Variants in NOP58 observed in about 807,000 individuals in gnomAD.
NOP58 encodes the protein NOP58 ribonucleoprotein, also known as nucleolar protein 58.
Under a neutral mutation model 71.2 loss-of-function variants are expected in NOP58, and 44 were observed. The ratio of observed to expected loss-of-function variants is 0.62; its 90% CI spans 0.49 to 0.79. The LOEUF is 0.79. Ranked by LOEUF, NOP58 falls within the 30% of genes least tolerant of loss-of-function variation. NOP58 has a pLI of 0.00. For synonymous variants in NOP58, 228 were observed against 200.3 expected, an observed-to-expected ratio of 1.14 and a Z score of -1.17; for missense variants, 538 against 620.2, an observed-to-expected ratio of 0.87 and a Z score of 1.41.
chr2:202,273,006 C>T (rs972202960), intron 1 of NOP58, among the ~76,000 whole-genome samples: 6 of 152,180 alleles, frequency 3.9e-5, no homozygotes, highest in East Asian at 3.9e-4. Flanking sequence ...TGGTGGCAGG[C>T]GCCTGTAGTC....
chr2:202,272,026 A>G (rs566357001), intron 1 of NOP58, among the ~76,000 whole-genome samples: 5 of 152,192 alleles, frequency 3.3e-5, no homozygotes, highest in Non-Finnish European at 7.3e-5. Flanking sequence ...TAGCACATCT[A>G]CACATTAAGA....
intron 8 of NOP58, among the ~76,000 whole-genome samples, chr2:202,292,498 C>T (rs113607164): frequency 2.8e-4 from 43 of 151,440 alleles, no homozygotes; most frequent in African/African-American, 9.7e-4. Flanking sequence ...ATTAGCTGGG[C>T]GTGGTGGCGG....
At chr2:202,288,503 A>T (rs1688830104) in intron 6 of NOP58, among the ~76,000 whole-genome samples, 1 of 150,292 alleles carries the variant, frequency 6.7e-6, no homozygotes, top group South Asian at 2.1e-4. Flanking sequence ...AAAAAAAAAA[A>T]TCAAAATCTT....
At chr2:202,286,937 C>T (rs1366430026) in intron 5 of NOP58, among the ~76,000 whole-genome samples, 1 of 152,064 alleles carries the variant, frequency 6.6e-6, no homozygotes, top group African/African-American at 2.4e-5. Flanking sequence ...GATGAAAAAA[C>T]ATTTTTATAC....
intron 9 of NOP58, 184 bp downstream of exon 9, chr2:202,293,087 C>T (rs1291580385): frequency 7.7e-6 from 6 of 779,572 alleles, no homozygotes; most frequent in East Asian, 7.5e-5. Context: ...TGCCTGATTT[C>T]CTTTTGGATA....
chr2:202,297,901 C>T lies in NOP58; in HGVS notation c.1263C>T (p.His421=), dbSNP rs781333942. The change falls in exon 12 of 15, where the codon CAC becomes CAT. Residue 421 remains histidine, a synonymous_variant. Transcript: ENST00000264279. The part of the protein sequence containing the change: ...KALAKTEKYE[H]KSEVKTYDPS... ...TAGCAAAAACAGAAAAATATGAACA[C>T]AAAAGGTGAGTACATTTAAGTGAGG... The T allele has an allele frequency of 1.3e-6, 2 of 1,575,596 alleles. No homozygotes were observed. Among genetic ancestry groups the T allele is most frequent in the South Asian group, 1.2e-5 (1 of 85,638 alleles).
intron 5 of NOP58, among the ~76,000 whole-genome samples, chr2:202,286,500 G>T (rs1363335807): frequency 6.6e-6 from 1 of 151,966 alleles, no homozygotes; most frequent in Non-Finnish European, 1.5e-5. Context: ...GTAAGACTCC[G>T]TCTCAAAACA....
At chr2:202,286,654 AAGAG>A (rs1195222864) in intron 5 of NOP58, among the ~76,000 whole-genome samples, 4 of 152,378 alleles carry the variant, frequency 2.6e-5, no homozygotes, top group East Asian at 1.9e-4. Flanking sequence ...AAGCATTTCT[AAGAG>A]AGAACAAATA....
At chr2:202,284,535 CAT>C (rs1559263026) in intron 5 of NOP58, 54 bp downstream of exon 5, 2 of 1,569,310 alleles carry the variant, frequency 1.3e-6, no homozygotes, top group Non-Finnish European at 1.7e-6. Context: ...AAGCGCTTAA[CAT>C]AGATCTGTTC....
chr2:202,287,403 T>A (rs893192781), intron 5 of NOP58, among the ~76,000 whole-genome samples: 2 of 152,024 alleles, frequency 1.3e-5, no homozygotes, highest in African/African-American at 4.8e-5. Context: ...ATCCTATTTG[T>A]CATTCATACA....
At chr2:202,289,660 T>A (rs1688854129) in intron 6 of NOP58, among the ~76,000 whole-genome samples, 1 of 152,162 alleles carries the variant, frequency 6.6e-6, no homozygotes, top group Admixed American at 6.6e-5. Context: ...CTGATACATA[T>A]TTCAACATGA....
Position 202,278,326 on chromosome 2 carries a change from C to G in NOP58, c.175+324C>G, listed in dbSNP as rs1450652548. 6.2e-5 allele frequency: 31 copies of G among 497,042 alleles called. 1 individual carries two copies. In the Admixed American group the frequency reaches 7.2e-4, roughly 11 times the overall value. 30.8% of individuals were successfully genotyped at this position (497,042 alleles called of 1,614,324 possible). A position where few individuals can be genotyped will look rare whatever the true frequency, so the allele number is the denominator to read the frequency against. Reference sequence around the variant, plus strand: ...CAGTAAAAGGTGTTCTACAAGGGACCAAGGTAATGTGGTCAAGTATACAGC... The same window carrying G: ...CAGTAAAAGGTGTTCTACAAGGGACGAAGGTAATGTGGTCAAGTATACAGC... On this transcript the variant is annotated intron_variant, in intron 3 of 14. Coordinates refer to ENST00000264279, the MANE Select transcript of NOP58 (RefSeq NM_015934.5).
In NOP58 at chr2:202,269,926, TTAC is replaced by T. The variant is rs201547384; in HGVS notation, c.45+3942_45+3944del. ...TAGGACTGAGGAAGTGAATTTTAAC[TTAC>T]TTGAATTTTAATGGTTATATTGTAC... On this transcript the variant is annotated intron_variant, in intron 1 of 14. Transcript: ENST00000264279. Among the ~76,000 whole-genome samples the T allele has an allele frequency of 9.5e-3, 1,453 of 152,316 alleles. 11 individuals carry two copies. Among genetic ancestry groups the T allele is most frequent in the Non-Finnish European group, 0.015 (1,011 of 68,030 alleles).
At chr2:202,296,834 C>T (rs1273542548) in intron 10 of NOP58, among the ~76,000 whole-genome samples, 3 of 151,984 alleles carry the variant, frequency 2.0e-5, no homozygotes, top group Non-Finnish European at 4.4e-5. Context: ...CCCAGGTTCA[C>T]GCCATTCTCC....
At position 202,293,740 on chromosome 2, in the gene NOP58, A is replaced by G. The variant is rs553374267; in HGVS notation, c.907+837A>G. Reference sequence around the variant, plus strand: ...CATGTGCTGCCACCATGCCTGGCTAATTTTTATATTTTTAGTTGAGACAGG... The same window carrying G: ...CATGTGCTGCCACCATGCCTGGCTAGTTTTTATATTTTTAGTTGAGACAGG... On this transcript the variant is annotated intron_variant, in intron 9 of 14. Transcript: ENST00000264279. Among the ~76,000 whole-genome samples, 26 of 152,072 alleles carry G rather than the reference A, an allele frequency of 1.7e-4. No homozygotes were observed. In the South Asian group the frequency reaches 5.4e-3, roughly 32 times the overall value.
intron 10 of NOP58, 38 bp downstream of exon 10, chr2:202,295,875 C>CT (rs754578108): frequency 1.6e-5 from 24 of 1,475,698 alleles, no homozygotes; most frequent in African/African-American, 2.8e-5. Context: ...TGAGGTTAGA[C>CT]TTTTTCATTT....
intron 4 of NOP58, 24 bp from the exon 5 acceptor site, chr2:202,284,321 A>G (rs749328019): frequency 9.1e-6 from 14 of 1,541,204 alleles, no homozygotes; most frequent in Admixed American, 2.0e-5. Flanking sequence ...TTTTAATTTA[A>G]TATAGATGTT....
intron 1 of NOP58, among the ~76,000 whole-genome samples, chr2:202,272,339 A>G (rs574091398): frequency 6.6e-6 from 1 of 151,878 alleles, no homozygotes; most frequent in East Asian, 1.9e-4. Context: ...ATTTTTAGTT[A>G]GAGGCGGGGT....
intron 9 of NOP58, 55 bp from the exon 10 acceptor site, chr2:202,295,619 C>T (rs1236542046): frequency 1.2e-5 from 15 of 1,281,938 alleles, no homozygotes; most frequent in African/African-American, 3.0e-5. Flanking sequence ...TGTTTCAGTA[C>T]GTGGAACATT....
Sources: gnomAD v4.1 joint callset for allele counts (sites outside exome capture counted in the v4.1 genomes callset) on GRCh38, gnomAD v4.1.1 for gene constraint, MANE v1.5 for transcripts, NCBI Gene and HGNC (gene_info 2026-07-23, HGNC 2026-07-21) for gene names.